NCAM2: variants seen among roughly 807,000 people sequenced by gnomAD.
NCAM2 encodes neural cell adhesion molecule 2.
Under a neutral mutation model 98.1 loss-of-function variants are expected in NCAM2, and 30 were observed. That is an observed-to-expected ratio of 0.31 (90% CI 0.23 to 0.41). NCAM2 has a LOEUF of 0.41. Among genes scored for constraint, NCAM2 ranks in the 10% least tolerant of loss-of-function variants. The pLI, the probability that NCAM2 is intolerant of heterozygous loss-of-function variation, is 1.00. For missense variants in NCAM2, 867 were observed against 1,005.8 expected, an observed-to-expected ratio of 0.86 and a Z score of 1.87; for synonymous variants, 368 against 342.4, an observed-to-expected ratio of 1.07 and a Z score of -0.83.
chr21:21,110,511 C>T (rs530578361), intron 1 of NCAM2, among the ~76,000 whole-genome samples: 1 of 151,656 alleles, frequency 6.6e-6, no homozygotes. Context: ...TATAAAGATA[C>T]AATTTCCTCT....
intron 1 of NCAM2, among the ~76,000 whole-genome samples, chr21:21,000,201 T>C (rs915735632): frequency 3.9e-5 from 6 of 152,226 alleles, no homozygotes; most frequent in African/African-American, 1.4e-4. Flanking sequence ...TAACTGTTCA[T>C]TTATAGCATA....
At chr21:21,489,345 C>G (rs1986660272) in intron 15 of NCAM2, among the ~76,000 whole-genome samples, 1 of 151,946 alleles carries the variant, frequency 6.6e-6, no homozygotes. Context: ...TTCTTACTTT[C>G]TTCTAATGCT....
chr21:21,171,294 G>GA (rs151097544), intron 1 of NCAM2, among the ~76,000 whole-genome samples: 36 of 152,060 alleles, frequency 2.4e-4, no homozygotes, highest in Non-Finnish European at 4.1e-4. Flanking sequence ...ATACAATTTA[G>GA]AAAAAAAATT....
chr21:21,513,511 C>T (rs1988520790), intron 16 of NCAM2, among the ~76,000 whole-genome samples: 1 of 151,482 alleles, frequency 6.6e-6, no homozygotes, highest in African/African-American at 2.4e-5. Flanking sequence ...TCCAAAGTTC[C>T]TCTTTTTATT....
chr21:21,534,707 A>G, intron 17 of NCAM2, 51 bp downstream of exon 17: 1 of 1,402,932 alleles, frequency 7.1e-7, no homozygotes, highest in Non-Finnish European at 9.5e-7. Flanking sequence ...TGGCAAAATG[A>G]TAACACATTA....
intron 1 of NCAM2, among the ~76,000 whole-genome samples, chr21:21,110,401 G>T (rs1173920719): frequency 6.6e-6 from 1 of 151,966 alleles, no homozygotes; most frequent in African/African-American, 2.4e-5. Context: ...TAAGCCTGCA[G>T]GGAAAAACAT....
intron 12 of NCAM2, among the ~76,000 whole-genome samples, chr21:21,448,386 C>A (rs984493482): frequency 2.0e-5 from 3 of 151,854 alleles, no homozygotes; most frequent in Admixed American, 6.6e-5. Flanking sequence ...ACACCAGGGC[C>A]TGTTGAGTGT....
chr21:21,298,108 A>G (rs1035877968), intron 5 of NCAM2, among the ~76,000 whole-genome samples: 2 of 151,710 alleles, frequency 1.3e-5, no homozygotes, highest in Admixed American at 1.3e-4. Context: ...TTGTATTCCT[A>G]CCTATTTCTT....
At chr21:21,480,366 C>CAAAAAAAAAAAAAAAAAAAAAAAA (rs59203448) in intron 15 of NCAM2, among the ~76,000 whole-genome samples, 1 of 69,976 alleles carries the variant, frequency 1.4e-5, no homozygotes, top group African/African-American at 6.0e-5. Flanking sequence ...GACTCCATCT[C>CAAAAAAAAAAAAAAAAAAAAAAAA]AAAAAAAAAA....
chr21:21,140,319 C>T (rs2067140253), intron 1 of NCAM2, among the ~76,000 whole-genome samples: 1 of 152,094 alleles, frequency 6.6e-6, no homozygotes. Context: ...TGAAGCTAAA[C>T]ATTTCTATTT....
At chr21:21,163,329 T>C (rs928447050) in intron 1 of NCAM2, among the ~76,000 whole-genome samples, 2 of 152,142 alleles carry the variant, frequency 1.3e-5, no homozygotes, top group African/African-American at 4.8e-5. Flanking sequence ...AGGGAGGCTC[T>C]AGAGGGATGT....
intron 1 of NCAM2, among the ~76,000 whole-genome samples, chr21:21,248,423 T>TA (rs779323891): frequency 7.2e-5 from 11 of 151,824 alleles, no homozygotes; most frequent in Non-Finnish European, 1.6e-4. Context: ...CAATGTTCTT[T>TA]TAAAAAAAAT....
chr21:21,071,339 C>T (rs930031069), intron 1 of NCAM2, among the ~76,000 whole-genome samples: 1 of 151,992 alleles, frequency 6.6e-6, no homozygotes, highest in South Asian at 2.1e-4. Context: ...TAAACATTGG[C>T]GAATTTTATG....
At chr21:21,062,604 G>C (rs2065346332) in intron 1 of NCAM2, among the ~76,000 whole-genome samples, 1 of 152,122 alleles carries the variant, frequency 6.6e-6, no homozygotes, top group Non-Finnish European at 1.5e-5. Flanking sequence ...CAAGAACTTT[G>C]AGATAAATTT....
intron 15 of NCAM2, among the ~76,000 whole-genome samples, chr21:21,504,884 T>C (rs2212632): frequency 0.82 from 124,552 of 151,060 alleles, 51,461 homozygotes; most frequent in Middle Eastern, 0.92. Flanking sequence ...ATAATCAAAT[T>C]AGGGAAAATG....
At chr21:21,101,464 T>A (rs1249667453) in intron 1 of NCAM2, among the ~76,000 whole-genome samples, 3 of 152,056 alleles carry the variant, frequency 2.0e-5, no homozygotes, top group Non-Finnish European at 4.4e-5. Context: ...CATACTCTCA[T>A]AAGAATCAAG....
intron 1 of NCAM2, among the ~76,000 whole-genome samples, chr21:21,063,211 T>TTTC (rs2065358640): frequency 1.9e-4 from 2 of 10,792 alleles, no homozygotes; most frequent in African/African-American, 5.2e-4. Context: ...CTTTACATTC[T>TTTC]TTTTTTTTTT....
chr21:21,097,140 A>G (rs531976460), intron 1 of NCAM2, among the ~76,000 whole-genome samples: 1 of 151,864 alleles, frequency 6.6e-6, no homozygotes, highest in East Asian at 1.9e-4. Flanking sequence ...CAAAGAGGTA[A>G]GGCAACCACA....
intron 1 of NCAM2, among the ~76,000 whole-genome samples, chr21:21,022,052 A>C (rs529956416): frequency 1.3e-5 from 2 of 152,236 alleles, no homozygotes; most frequent in African/African-American, 4.8e-5. Flanking sequence ...AAGTTAAATA[A>C]ATATCTGGCT....
Sources: gnomAD v4.1 joint callset for allele counts (sites outside exome capture counted in the v4.1 genomes callset) on GRCh38, gnomAD v4.1.1 for gene constraint, MANE v1.5 for transcripts, NCBI Gene and HGNC (gene_info 2026-07-23, HGNC 2026-07-21) for gene names.